Variants in SPAG16 observed in about 807,000 individuals in gnomAD.
SPAG16 encodes sperm-associated antigen 16 protein.
SPAG16 carries 86 observed loss-of-function variants against 80.4 expected under a neutral mutation model. That is an observed-to-expected ratio of 1.07 (90% CI 0.90 to 1.28). SPAG16 has a LOEUF of 1.28. Among genes scored for constraint, SPAG16 ranks in the 50% most tolerant of loss-of-function variants. SPAG16 has a pLI of 0.00. For missense variants in SPAG16, 870 were observed against 765.3 expected (o/e 1.14, Z -1.61); for synonymous variants, 294 against 265.9 (o/e 1.11, Z -1.03).
chr2:213,728,616 C>T (rs984324639), intron 10 of SPAG16, among the ~76,000 whole-genome samples: 40 of 152,072 alleles, frequency 2.6e-4, no homozygotes, highest in African/African-American at 9.2e-4. Context: ...TGGCTCACGC[C>T]TGTAATCCCA....
chr2:213,577,584 G>C (rs1428332153), intron 10 of SPAG16, among the ~76,000 whole-genome samples: 1 of 152,150 alleles, frequency 6.6e-6, no homozygotes, highest in Non-Finnish European at 1.5e-5. Context: ...TAGACTTATA[G>C]GAGGATCCAA....
At chr2:213,371,178 G>A (rs973296945) in intron 8 of SPAG16, among the ~76,000 whole-genome samples, 42 of 152,086 alleles carry the variant, frequency 2.8e-4, no homozygotes, top group African/African-American at 8.2e-4. Flanking sequence ...GGAAGCCGAC[G>A]CAGGCGGATC....
chr2:213,378,108 G>C (rs961948620), intron 9 of SPAG16, among the ~76,000 whole-genome samples: 1 of 152,026 alleles, frequency 6.6e-6, no homozygotes, highest in African/African-American at 2.4e-5. Context: ...AAAGATGTAG[G>C]CTGGGAGGCT....
chr2:214,062,822 C>A (rs954805969), intron 13 of SPAG16, among the ~76,000 whole-genome samples: 4 of 152,086 alleles, frequency 2.6e-5, no homozygotes, highest in Admixed American at 6.6e-5. Flanking sequence ...AGCTAATGTC[C>A]TTCCAGTGAC....
rs561344112 is a variant in SPAG16 at position 214,399,619 on chromosome 2, G to T, written c.1721-10521G>T. 2.6e-5 allele frequency among the ~76,000 whole-genome samples: 4 copies of T among 152,080 alleles called. No individual in the cohort carries two copies. In the East Asian group the frequency reaches 5.8e-4, roughly 22 times the overall value. On this transcript the variant is annotated intron_variant, in intron 15 of 15. Coordinates refer to ENST00000331683, the MANE Select transcript of SPAG16 (RefSeq NM_024532.5). The stretch of plus-strand genomic sequence containing the variant: ...CTGACTTTTAGAGTCTTAAAATGTA[G>T]TTATGGTTTCAGTAGTAAAATCTGA...
chr2:213,625,667 C>CT (rs200497235), intron 10 of SPAG16, among the ~76,000 whole-genome samples: 1,544 of 151,578 alleles, frequency 0.01, 17 homozygotes, highest in Non-Finnish European at 0.016. Context: ...TGTTACTGTT[C>CT]TTTTTTTTGT....
At chr2:214,247,756 G>A (rs1559153746) in intron 15 of SPAG16, among the ~76,000 whole-genome samples, 1 of 152,064 alleles carries the variant, frequency 6.6e-6, no homozygotes, top group African/African-American at 2.4e-5. Flanking sequence ...CGAGATCCAG[G>A]CATGGTGGCT....
chr2:213,896,564 A>G (rs1469181397), intron 11 of SPAG16, among the ~76,000 whole-genome samples: 1 of 140,154 alleles, frequency 7.1e-6, no homozygotes, highest in Non-Finnish European at 1.5e-5. Context: ...GGTTAAATGG[A>G]TAAAATGTGA....
intron 10 of SPAG16, among the ~76,000 whole-genome samples, chr2:213,843,720 G>A (rs1220474665): frequency 4.6e-5 from 7 of 152,032 alleles, no homozygotes; most frequent in African/African-American, 1.4e-4. Context: ...GTGTGGTGGC[G>A]TGTGTCTGTA....
intron 11 of SPAG16, among the ~76,000 whole-genome samples, chr2:213,918,592 A>C (rs1234694365): frequency 1.3e-5 from 2 of 152,036 alleles, no homozygotes; most frequent in Non-Finnish European, 1.5e-5. Flanking sequence ...TGGTTTTATA[A>C]AGGGGAGTTT....
chr2:213,396,435 G>C (rs2068036791), intron 9 of SPAG16, among the ~76,000 whole-genome samples: 1 of 151,996 alleles, frequency 6.6e-6, no homozygotes, highest in Non-Finnish European at 1.5e-5. Flanking sequence ...ATAATTCTAA[G>C]TACCTTATAG....
intron 13 of SPAG16, among the ~76,000 whole-genome samples, chr2:214,079,640 G>A (rs576066029): frequency 1.3e-5 from 2 of 152,144 alleles, no homozygotes; most frequent in South Asian, 4.1e-4. Flanking sequence ...TGGAAAGCCA[G>A]CTAAGAAGTT....
intron 10 of SPAG16, among the ~76,000 whole-genome samples, chr2:213,630,377 C>T (rs1161637460): frequency 6.7e-6 from 1 of 150,072 alleles, no homozygotes; most frequent in Non-Finnish European, 1.5e-5. Flanking sequence ...GAGCAAGACT[C>T]CATCTCAAAA....
rs150245909 is a variant in SPAG16, at chr2:213,889,306, A to C, written c.1214+26678A>C. ...CTAAAAGATACCTAAATTTTGATGT[A>C]AAAATGTTCTCAATATATTTTACCA... On this transcript the variant is annotated intron_variant, in intron 11 of 15. Transcript: ENST00000331683. Among the ~76,000 whole-genome samples, 338 of 152,084 alleles carry C rather than the reference A, an allele frequency of 2.2e-3. 1 individual carries two copies. The highest frequency in any genetic ancestry group is 6.4e-3 in the African/African-American group (268 of 41,560).
rs1029777262 is a variant in SPAG16, at chr2:213,381,239, T to C, written c.942+6120T>C. Among the ~76,000 whole-genome samples the C allele has an allele frequency of 3.3e-5, 5 of 152,300 alleles. No homozygotes were observed. In the East Asian group the frequency reaches 7.7e-4, roughly 24 times the overall value. On this transcript the variant is annotated intron_variant, in intron 9 of 15. Coordinates refer to ENST00000331683, the MANE Select transcript of SPAG16 (RefSeq NM_024532.5). ...TGAAAGGTATGAAGCAAAAGAGTAC[T>C]CCATGTAAATGACTGCTGTTCCTTT...
intron 10 of SPAG16, among the ~76,000 whole-genome samples, chr2:213,584,543 TC>T (rs1194215677): frequency 6.6e-6 from 1 of 151,596 alleles, no homozygotes. Flanking sequence ...TATTTTCTAT[TC>T]AAGAAAATGT....
At chr2:213,772,674 G>T (rs1346500915) in intron 10 of SPAG16, among the ~76,000 whole-genome samples, 1 of 152,060 alleles carries the variant, frequency 6.6e-6, no homozygotes, top group Non-Finnish European at 1.5e-5. Context: ...ATGTCAGGTA[G>T]ATTAATTCTC....
chr2:213,703,809 G>A (rs1236807153), intron 10 of SPAG16, among the ~76,000 whole-genome samples: 2 of 152,198 alleles, frequency 1.3e-5, no homozygotes, highest in African/African-American at 2.4e-5. Flanking sequence ...TCTTTGCTCT[G>A]AGGCTGTCTG....
At chr2:213,404,454 G>T (rs1321224729) in intron 9 of SPAG16, among the ~76,000 whole-genome samples, 1 of 152,094 alleles carries the variant, frequency 6.6e-6, no homozygotes, top group African/African-American at 2.4e-5. Context: ...ACAAGCAATG[G>T]GGAAAGGATT....
Sources: gnomAD v4.1 joint callset for allele counts (sites outside exome capture counted in the v4.1 genomes callset) on GRCh38, gnomAD v4.1.1 for gene constraint, MANE v1.5 for transcripts, NCBI Gene and HGNC (gene_info 2026-07-23, HGNC 2026-07-21) for gene names.